Variants in IL20RB observed in about 807,000 individuals in gnomAD.
IL20RB encodes interleukin 20 receptor subunit beta, also known as interleukin-20 receptor subunit beta.
IL20RB carries 21 observed loss-of-function variants against 33.3 expected under a neutral mutation model. The ratio of observed to expected loss-of-function variants is 0.63; its 90% CI spans 0.45 to 0.91. The LOEUF is 0.91. IL20RB is among the 40% of genes least tolerant of loss of function. The probability of loss-of-function intolerance (pLI) is 0.00; values close to 1 mark genes in which losing one functional copy is unlikely to be tolerated. For missense variants in IL20RB, 345 were observed against 384.8 expected, an observed-to-expected ratio of 0.90 and a Z score of 0.86; for synonymous variants, 147 against 146.8, an observed-to-expected ratio of 1.00 and a Z score of -0.01.
At chr3:136,977,824 C>G (rs1400786909) in intron 1 of IL20RB, among the ~76,000 whole-genome samples, 1 of 152,128 alleles carries the variant, frequency 6.6e-6, no homozygotes, top group Non-Finnish European at 1.5e-5. Flanking sequence ...CCAGGCCTGG[C>G]CTGGTTTTAG....
intron 3 of IL20RB, among the ~76,000 whole-genome samples, chr3:136,983,983 C>T (rs1428299372): frequency 6.6e-6 from 1 of 152,142 alleles, no homozygotes; most frequent in African/African-American, 2.4e-5. Context: ...AATACAGGCA[C>T]ATGCCACCAT....
At chr3:136,966,090 C>T (rs1442138186) in intron 1 of IL20RB, among the ~76,000 whole-genome samples, 102 of 132,270 alleles carry the variant, frequency 7.7e-4, no homozygotes, top group South Asian at 1.7e-3. Flanking sequence ...CTGCTGGATT[C>T]GGTTTGCCAG....
At chr3:136,974,407 A>G (rs1389815408) in intron 1 of IL20RB, among the ~76,000 whole-genome samples, 1 of 152,202 alleles carries the variant, frequency 6.6e-6, no homozygotes, top group Non-Finnish European at 1.5e-5. Flanking sequence ...ATTTTGCCAG[A>G]TGTAATAGTC....
Position 136,958,202 on chromosome 3 carries a change from G to A in IL20RB, c.88+1G>A, listed in dbSNP as rs766422857. 9.5e-6 allele frequency: 15 copies of A among 1,586,710 alleles called. No individual in the cohort carries two copies. Among genetic ancestry groups the A allele is most frequent in the Middle Eastern group, 1.7e-4 (1 of 6,010 alleles). On this transcript the variant is annotated splice_donor_variant, in intron 1 of 6. Transcript: ENST00000329582. LOFTEE classifies it high-confidence loss of function. ...GCATTGATTCCATGTTTGCTCACAG[G>A]TAAGTATGAATTAGAATACATCCAA...
chr3:136,970,379 G>T (rs534405490), intron 1 of IL20RB, among the ~76,000 whole-genome samples: 5 of 152,080 alleles, frequency 3.3e-5, no homozygotes, highest in Admixed American at 3.3e-4. Flanking sequence ...ACAGGTGTGA[G>T]TTGCCATGCC....
intron 3 of IL20RB, among the ~76,000 whole-genome samples, chr3:136,983,948 T>C (rs574207078): frequency 6.6e-6 from 1 of 152,298 alleles, no homozygotes; most frequent in South Asian, 2.1e-4. Flanking sequence ...GCGATCCTCC[T>C]GCCTCAGGCC....
chr3:137,005,237 T>C (rs1942328239), intron 6 of IL20RB, among the ~76,000 whole-genome samples: 1 of 152,242 alleles, frequency 6.6e-6, no homozygotes, highest in Admixed American at 6.5e-5. Context: ...AGAATGTGTA[T>C]TCTATTGATT....
intron 1 of IL20RB, among the ~76,000 whole-genome samples, chr3:136,974,792 C>T (rs1046409749): frequency 2.0e-5 from 3 of 152,184 alleles, no homozygotes; most frequent in African/African-American, 4.8e-5. Context: ...TCAAATGTCA[C>T]GAAGCTTTTG....
In IL20RB at chr3:136,989,580, T is replaced by G. The variant is rs762308454; in HGVS notation, c.531+15T>G. The G allele has an allele frequency of 1.1e-5, 18 of 1,613,124 alleles. No individual in the cohort carries two copies. The highest frequency in any genetic ancestry group is 1.4e-5 in the Non-Finnish European group (16 of 1,179,560). ...CTGGTGCCGAGGTGAGACTCCAGCCTTGGCCTTTGGGTCAGGCTTCGGGAA... is the reference window on the plus strand; with the variant it reads ...CTGGTGCCGAGGTGAGACTCCAGCCGTGGCCTTTGGGTCAGGCTTCGGGAA... On this transcript the variant is annotated intron_variant, in intron 4 of 6. Coordinates refer to ENST00000329582, the MANE Select transcript of IL20RB (RefSeq NM_144717.4).
chr3:136,979,767 A>G (rs1235782792), intron 1 of IL20RB, among the ~76,000 whole-genome samples: 1 of 152,190 alleles, frequency 6.6e-6, no homozygotes, highest in Non-Finnish European at 1.5e-5. Context: ...CTCTCTCCAC[A>G]GCAGATCTGA....
Position 136,992,073 on chromosome 3 carries a change from T to C in IL20RB, c.667T>C (p.Cys223Arg). 1 of 1,614,052 alleles carries C rather than the reference T, an allele frequency of 6.2e-7. No homozygotes were observed. The highest frequency in any genetic ancestry group is 8.5e-7 in the Non-Finnish European group (1 of 1,179,966). The change falls in exon 5 of 7, where the codon TGT becomes CGT. Residue 223 changes from cysteine (C) to arginine (R), a missense_variant. Cys to Arg is a radical substitution (Grantham distance 180). Transcript: ENST00000329582. ...GTACAGCGCCTTCAGCCAGACAGAA[T>C]GTGTGGAGGTGCAAGGTAAGGATGG... ...GRYSAFSQTE[C>R]VEVQGEAIPL...
chr3:136,963,209 C>T (rs1324441281), intron 1 of IL20RB, among the ~76,000 whole-genome samples: 1 of 152,132 alleles, frequency 6.6e-6, no homozygotes, highest in Non-Finnish European at 1.5e-5. Context: ...TAACCATTCA[C>T]CTGTTGAAGG....
Position 136,958,136 on chromosome 3 carries a change from T to C in IL20RB, c.23T>C (p.Leu8Pro), listed in dbSNP as rs770195073. 6.2e-7 allele frequency: 1 copy of C among 1,609,998 alleles called. No homozygotes were observed. Among genetic ancestry groups the C allele is most frequent in the Non-Finnish European group, 8.5e-7 (1 of 1,176,282 alleles). The change falls in exon 1 of 7, where the codon CTA (leucine) becomes CCA (proline). Residue 8 changes from leucine to proline, a missense_variant. Coordinates refer to ENST00000329582, the MANE Select transcript of IL20RB (RefSeq NM_144717.4). Reference protein sequence around the residue: MQTFTMVLEEIWTSLFMW... With the variant: MQTFTMVPEEIWTSLFMW... The stretch of plus-strand genomic sequence containing the variant: ...CAAATGCAGACTTTCACAATGGTTC[T>C]AGAAGAAATCTGGACAAGTCTTTTC...
chr3:137,003,276 T>C (rs1433792756), intron 6 of IL20RB, among the ~76,000 whole-genome samples: 3 of 152,106 alleles, frequency 2.0e-5, no homozygotes, highest in Non-Finnish European at 4.4e-5. Flanking sequence ...TCCATATGAA[T>C]TTTAAAGTAA....
At chr3:136,988,143 C>T (rs1941956178) in intron 3 of IL20RB, among the ~76,000 whole-genome samples, 1 of 152,232 alleles carries the variant, frequency 6.6e-6, no homozygotes, top group African/African-American at 2.4e-5. Flanking sequence ...AGCATGCTGT[C>T]ACCTCTCACA....
chr3:136,988,999 A>G (rs992365834), intron 3 of IL20RB, among the ~76,000 whole-genome samples: 1 of 152,212 alleles, frequency 6.6e-6, no homozygotes, highest in African/African-American at 2.4e-5. Context: ...TTTGGCAAGC[A>G]TTAAAATATA....
At chr3:137,010,088 A>G in intron 6 of IL20RB, 25 bp from the exon 7 acceptor site, 2 of 1,037,566 alleles carry the variant, frequency 1.9e-6, no homozygotes, top group South Asian at 2.5e-5. Flanking sequence ...TCCTCTAATG[A>G]ATATTAATGA....
At chr3:136,960,714 A>G (rs1371071199) in intron 1 of IL20RB, among the ~76,000 whole-genome samples, 1 of 152,214 alleles carries the variant, frequency 6.6e-6, no homozygotes, top group Non-Finnish European at 1.5e-5. Flanking sequence ...TATATCTAGT[A>G]AGTGCAGGAA....
rs545704630 is a variant in IL20RB at position 136,991,788 on chromosome 3, A to G, written c.532-150A>G. The stretch of plus-strand genomic sequence containing the variant: ...CATGCCTGGCTAATTTTTTATTTGT[A>G]GTAGAGATGGGGTGTTTCACCATGT... On this transcript the variant is annotated intron_variant, in intron 4 of 6. Transcript: ENST00000329582. The G allele has an allele frequency of 1.3e-3, 780 of 589,584 alleles. 11 individuals are homozygous for G. The highest frequency in any genetic ancestry group is 1.1e-4 in the Non-Finnish European group (39 of 356,214). The allele number at this position is 589,584 out of a possible 1,614,324, so 36.5% of individuals were successfully genotyped here.
Sources: allele counts gnomAD v4.1 joint callset (sites outside exome capture counted in the v4.1 genomes callset), GRCh38; gene constraint gnomAD v4.1.1; transcripts MANE v1.5; gene names NCBI Gene and HGNC (gene_info 2026-07-23, HGNC 2026-07-21).